The following DNAH14 variants were observed in gnomAD, a reference collection of about 807,000 sequenced individuals.
DNAH14 encodes the protein axonemal beta dynein heavy chain 14.
DNAH14 carries 478 observed loss-of-function variants against 520.9 expected under a neutral mutation model. The observed-to-expected ratio is 0.92, with a 90% confidence interval of 0.85 to 0.99. DNAH14 has a LOEUF of 0.99. Among genes scored for constraint, DNAH14 ranks in the 50% least tolerant of loss-of-function variants. The pLI is 0.00. For missense variants in DNAH14, 4,831 were observed against 5,234.5 expected (o/e 0.92, Z 2.38); for synonymous variants, 1,581 against 1,757.2 (o/e 0.90, Z 2.51).
Position 225,082,662 on chromosome 1 carries a change from G to A in DNAH14, c.3250G>A (p.Glu1084Lys). ...TCCCTGTCTCAAGCCAAGGCATTGG[G>A]AGGCTCTCCAGGAGATTATTGGGAA... ...GNPCLKPRHW[E>K]ALQEIIGKSV... Residue 1084 changes from glutamate to lysine, a missense_variant, in exon 20 of 86, where the codon GAG becomes AAG. Transcript: ENST00000682510. 1 of 1,551,580 alleles carries A rather than the reference G, an allele frequency of 6.4e-7. No homozygotes were observed. Among genetic ancestry groups the A allele is most frequent in the Non-Finnish European group, 8.7e-7 (1 of 1,146,938 alleles).
rs1345716690 is a variant in DNAH14 at position 225,207,254 on chromosome 1, T to C, written c.6439+34T>C. On this transcript the variant is annotated intron_variant, in intron 41 of 85. Coordinates refer to ENST00000682510, the MANE Select transcript of DNAH14 (RefSeq NM_001367479.1). ...TTTTCTCTAAGTCATATCAATGATA[T>C]ATCTTAGCTAGTCAATGCTAATTCA... The C allele has an allele frequency of 7.6e-6, 11 of 1,451,564 alleles. No individual in the cohort carries two copies. The Admixed American group carries it at 1.2e-4, about 15-fold the overall frequency. 89.9% of individuals were successfully genotyped at this position (1,451,564 alleles called of 1,614,324 possible). A position where few individuals can be genotyped will look rare whatever the true frequency, so the allele number is the denominator to read the frequency against.
chr1:225,298,422 G>A (rs2094062097), intron 55 of DNAH14, among the ~76,000 whole-genome samples: 2 of 152,152 alleles, frequency 1.3e-5, no homozygotes, highest in South Asian at 4.1e-4. Context: ...CCAGCTCAAG[G>A]GTAGGGTCAC....
chr1:225,370,273 C>G (rs1435534227), intron 77 of DNAH14, among the ~76,000 whole-genome samples: 2 of 151,846 alleles, frequency 1.3e-5, no homozygotes, highest in Admixed American at 1.3e-4. Flanking sequence ...CAGAATGAAA[C>G]TCCATCTCAA....
Position 225,144,511 on chromosome 1 carries a change from G to T in DNAH14, c.4623G>T (p.Thr1541=), listed in dbSNP as rs73133596. 24 of 1,551,222 alleles carry T rather than the reference G, an allele frequency of 1.5e-5. No individual in the cohort carries two copies. The highest frequency in any genetic ancestry group is 1.4e-4 in the Admixed American group (7 of 50,898). ...YLGCTSRLVI[T]PLTDRCWLTL... Reference sequence around the variant, plus strand: ...GCTGTACCTCAAGATTGGTTATTACGCCTCTCACAGACCGATGCTGGCTGA... The same window carrying T: ...GCTGTACCTCAAGATTGGTTATTACTCCTCTCACAGACCGATGCTGGCTGA... The change falls in exon 29 of 86, where the codon ACG becomes ACT. Residue 1541 remains threonine (T), a synonymous_variant. Coordinates refer to ENST00000682510, the MANE Select transcript of DNAH14 (RefSeq NM_001367479.1).
intron 23 of DNAH14, among the ~76,000 whole-genome samples, chr1:225,105,305 A>G (rs1465274004): frequency 6.6e-6 from 1 of 152,156 alleles, no homozygotes; most frequent in Non-Finnish European, 1.5e-5. Context: ...TTTACTTCCA[A>G]CTATGTGGTC....
At chr1:224,951,697 C>T (rs1199539953) in intron 1 of DNAH14, among the ~76,000 whole-genome samples, 1 of 136,768 alleles carries the variant, frequency 7.3e-6, no homozygotes, top group African/African-American at 2.9e-5. Flanking sequence ...GTTACCCAGG[C>T]TGGAGTGCAG....
intron 37 of DNAH14, among the ~76,000 whole-genome samples, chr1:225,188,825 G>T (rs2085063019): frequency 6.6e-6 from 1 of 151,774 alleles, no homozygotes. Context: ...GAACACAGAT[G>T]TCTTTCCATT....
intron 12 of DNAH14, 107 bp downstream of exon 12, chr1:225,038,930 A>G (rs914718186): frequency 2.8e-5 from 28 of 999,152 alleles, no homozygotes; most frequent in Middle Eastern, 3.3e-4. Context: ...CCCTTACCCA[A>G]CATACCCTCG....
intron 21 of DNAH14, among the ~76,000 whole-genome samples, chr1:225,087,404 C>A (rs2073940690): frequency 6.6e-6 from 1 of 152,198 alleles, no homozygotes; most frequent in African/African-American, 2.4e-5. Context: ...ACCATTGTTA[C>A]AATGGCACTT....
At chr1:225,125,418 T>G (rs577214215) in intron 27 of DNAH14, among the ~76,000 whole-genome samples, 73 of 152,338 alleles carry the variant, frequency 4.8e-4, no homozygotes, top group African/African-American at 1.7e-3. Flanking sequence ...ACCTAGTTCT[T>G]CTGGATAACT....
chr1:225,210,655 T>A (rs572055075), intron 41 of DNAH14, among the ~76,000 whole-genome samples: 1 of 152,298 alleles, frequency 6.6e-6, no homozygotes, highest in African/African-American at 2.4e-5. Flanking sequence ...CGAGCTCTGC[T>A]AAAGGACAGA....
intron 16 of DNAH14, among the ~76,000 whole-genome samples, chr1:225,051,210 A>G (rs1212622173): frequency 6.6e-6 from 1 of 152,210 alleles, no homozygotes; most frequent in Admixed American, 6.5e-5. Context: ...GCTCAAAATA[A>G]CATGTTAATT....
At chr1:225,390,557 T>C (rs2095896260) in intron 83 of DNAH14, among the ~76,000 whole-genome samples, 1 of 152,072 alleles carries the variant, frequency 6.6e-6, no homozygotes, top group Admixed American at 6.6e-5. Context: ...ATAGAATATA[T>C]GAATGGATCA....
At chr1:224,990,875 G>C (rs577510431) in intron 8 of DNAH14, among the ~76,000 whole-genome samples, 1 of 151,996 alleles carries the variant, frequency 6.6e-6, no homozygotes, top group South Asian at 2.1e-4. Flanking sequence ...CCTCCATACA[G>C]TTTTCCATAT....
intron 41 of DNAH14, among the ~76,000 whole-genome samples, chr1:225,227,629 G>T (rs1463758301): frequency 6.6e-6 from 1 of 152,010 alleles, no homozygotes; most frequent in African/African-American, 2.4e-5. Flanking sequence ...CACATCCATT[G>T]TGGCATCAAT....
chr1:225,255,964 AAGG>A (rs1476092911), intron 44 of DNAH14, among the ~76,000 whole-genome samples: 3 of 152,214 alleles, frequency 2.0e-5, no homozygotes, highest in African/African-American at 7.2e-5. Flanking sequence ...GAGTCTACTT[AAGG>A]GGAAATACTT....
Position 225,388,504 on chromosome 1 carries a change from G to T in DNAH14, c.13190+13G>T. 1 of 1,410,358 alleles carries T rather than the reference G, an allele frequency of 7.1e-7. No homozygotes were observed. 87.4% of individuals were successfully genotyped at this position (1,410,358 alleles called of 1,614,324 possible). On this transcript the variant is annotated intron_variant, in intron 82 of 85. Transcript: ENST00000682510. ...CAATACAGCGTCGGTATGGATAAAA[G>T]ATGCTTTACATTTCTTCCTCATTTT...
chr1:225,037,242 C>G (rs1479933421), intron 11 of DNAH14, among the ~76,000 whole-genome samples: 1 of 152,132 alleles, frequency 6.6e-6, no homozygotes, highest in Non-Finnish European at 1.5e-5. Flanking sequence ...TAAGGACTTA[C>G]TCCTGCCATT....
chr1:225,362,700 C>CA (rs924274609), intron 75 of DNAH14, among the ~76,000 whole-genome samples: 3 of 151,008 alleles, frequency 2.0e-5, no homozygotes, highest in Admixed American at 6.6e-5. Flanking sequence ...AGGCTACTAT[C>CA]AAAAAAAAGA....
Sources: gnomAD v4.1 joint callset for allele counts (sites outside exome capture counted in the v4.1 genomes callset) on GRCh38, gnomAD v4.1.1 for gene constraint, MANE v1.5 for transcripts, NCBI Gene and HGNC (gene_info 2026-07-23, HGNC 2026-07-21) for gene names.